The following CHD6 variants were observed in gnomAD, a reference collection of about 807,000 sequenced individuals.
CHD6 encodes the protein ATP-dependent chromatin remodeler CHD6.
CHD6 carries 50 observed loss-of-function variants against 276.9 expected under a neutral mutation model. The ratio of observed to expected loss-of-function variants is 0.18; its 90% CI spans 0.14 to 0.23. The LOEUF (loss-of-function observed/expected upper bound fraction) is 0.23, where lower values mean the gene tolerates loss of function less well. CHD6 is among the 10% of genes least tolerant of loss of function. The probability of loss-of-function intolerance (pLI) is 1.00; values close to 1 mark genes in which losing one functional copy is unlikely to be tolerated. For missense variants in CHD6, 2,564 were observed against 3,365.8 expected (o/e 0.76, Z 5.89); for synonymous variants, 1,173 against 1,229.3 (o/e 0.95, Z 0.96).
chr20:41,411,865 A>C (rs2046849577), intron 36 of CHD6, among the ~76,000 whole-genome samples: 1 of 152,232 alleles, frequency 6.6e-6, no homozygotes, highest in Non-Finnish European at 1.5e-5. Context: ...CTCTACAAAT[A>C]GGAGAAACAA....
In CHD6 at chr20:41,473,245, G is replaced by A; in HGVS notation, c.2664+77C>T. On this transcript the variant is annotated intron_variant, in intron 17 of 36. Transcript: ENST00000373233. The surrounding 1 kb of genome is among the most constrained non-coding windows in gnomAD (Gnocchi z 4.1). ...TAGCATAGAGCATCACGGATGCTCT[G>A]TAGCCAAGCCAGGCCCTATCATGAT... 1 of 1,425,976 alleles carries A rather than the reference G, an allele frequency of 7.0e-7. No individual in the cohort carries two copies. Among genetic ancestry groups the A allele is most frequent in the Non-Finnish European group, 9.7e-7 (1 of 1,032,118 alleles). The allele number at this position is 1,425,976 out of a possible 1,614,324, so 88.3% of individuals were successfully genotyped here.
intron 3 of CHD6, among the ~76,000 whole-genome samples, chr20:41,524,997 G>A (rs1453443851): frequency 6.6e-6 from 1 of 152,070 alleles, no homozygotes; most frequent in Non-Finnish European, 1.5e-5. Flanking sequence ...CTACGGTCTT[G>A]GGGTCTTCAG....
At chr20:41,488,107 A>T (rs541145262) in intron 13 of CHD6, among the ~76,000 whole-genome samples, 1 of 152,306 alleles carries the variant, frequency 6.6e-6, no homozygotes, top group South Asian at 2.1e-4. Flanking sequence ...TAATGTTAAA[A>T]GGGCATCATC....
intron 2 of CHD6, among the ~76,000 whole-genome samples, chr20:41,538,474 T>C (rs1223911499): frequency 1.3e-5 from 2 of 152,226 alleles, no homozygotes; most frequent in Non-Finnish European, 2.9e-5. Context: ...ATTGTATAAT[T>C]CCATTTATAT....
At position 41,490,031 on chromosome 20, in the gene CHD6, G is replaced by T; in HGVS notation, c.1437-10C>A. On this transcript the variant is annotated splice_polypyrimidine_tract_variant and intron_variant, in intron 11 of 36. Transcript: ENST00000373233. Reference sequence around the variant, plus strand: ...CAAAATACAGTTTTTTCTGCAGAGAGTGAGAAATATAGGTAATTCATTATC... The same window carrying T: ...CAAAATACAGTTTTTTCTGCAGAGATTGAGAAATATAGGTAATTCATTATC... 1 of 1,611,536 alleles carries T rather than the reference G, an allele frequency of 6.2e-7. No homozygotes were observed. The highest frequency in any genetic ancestry group is 8.5e-7 in the Non-Finnish European group (1 of 1,177,808).
intron 7 of CHD6, chr20:41,497,745 G>A (rs1448214296): frequency 7.6e-6 from 4 of 528,832 alleles, no homozygotes; most frequent in Admixed American, 6.3e-5. Flanking sequence ...TGAGAACAGA[G>A]GCAGGGCAGC....
chr20:41,610,581 GA>G (rs1209592343), intron 1 of CHD6, among the ~76,000 whole-genome samples: 1 of 152,044 alleles, frequency 6.6e-6, no homozygotes, highest in African/African-American at 2.4e-5. Context: ...CTAACATGGT[GA>G]AACCCCGTCT....
chr20:41,556,781 T>G, intron 1 of CHD6, among the ~76,000 whole-genome samples: 1 of 152,172 alleles, frequency 6.6e-6, no homozygotes, highest in East Asian at 1.9e-4. Context: ...CAATAAGCAT[T>G]TATTGATTTG....
chr20:41,564,642 G>A (rs999710531), intron 1 of CHD6, among the ~76,000 whole-genome samples: 1 of 151,980 alleles, frequency 6.6e-6, no homozygotes, highest in Non-Finnish European at 1.5e-5. Flanking sequence ...ACCAGAAAGC[G>A]GACATTTTTC....
At chr20:41,441,852 T>C (rs540427648) in intron 25 of CHD6, among the ~76,000 whole-genome samples, 4 of 152,296 alleles carry the variant, frequency 2.6e-5, no homozygotes, top group Non-Finnish European at 5.9e-5. Flanking sequence ...GCCTGCCTCT[T>C]TTCACTTTTA....
intron 34 of CHD6, 163 bp from the exon 35 acceptor site, chr20:41,413,678 A>T: frequency 1.9e-6 from 1 of 527,392 alleles, no homozygotes; most frequent in South Asian, 3.2e-5. Context: ...CCACTGACCC[A>T]CGCCCACATA....
intron 5 of CHD6, among the ~76,000 whole-genome samples, chr20:41,503,263 T>C (rs1303032149): frequency 6.6e-6 from 1 of 152,204 alleles, no homozygotes; most frequent in East Asian, 1.9e-4. Flanking sequence ...ATATTGCATA[T>C]TATCTTTATA....
At chr20:41,593,920 C>T (rs1601178448) in intron 1 of CHD6, among the ~76,000 whole-genome samples, 1 of 151,612 alleles carries the variant, frequency 6.6e-6, no homozygotes, top group Non-Finnish European at 1.5e-5. Flanking sequence ...AATTTCTATT[C>T]TTTAAGCTAT....
intron 1 of CHD6, among the ~76,000 whole-genome samples, chr20:41,611,064 C>T (rs185767638): frequency 1.1e-4 from 17 of 152,284 alleles, no homozygotes; most frequent in Admixed American, 5.2e-4. Flanking sequence ...TAAAGCCTTA[C>T]AAGACACATC....
chr20:41,425,982 C>T, intron 28 of CHD6, 111 bp downstream of exon 28: 1 of 841,086 alleles, frequency 1.2e-6, no homozygotes, highest in Admixed American at 1.8e-5. Flanking sequence ...ACTTACTTGG[C>T]TTTTTAAAAG....
intron 22 of CHD6, among the ~76,000 whole-genome samples, 186 bp from the exon 23 acceptor site, chr20:41,451,291 T>C (rs1303858785): frequency 2.0e-5 from 3 of 152,210 alleles, no homozygotes; most frequent in Non-Finnish European, 4.4e-5. Flanking sequence ...TCCTCCTTAG[T>C]AAACAAATAA....
intron 13 of CHD6, among the ~76,000 whole-genome samples, chr20:41,488,079 G>A (rs1220431328): frequency 6.6e-6 from 1 of 152,132 alleles, no homozygotes; most frequent in African/African-American, 2.4e-5. Context: ...CCAGATACTG[G>A]GCACTGTGCC....
At chr20:41,560,330 T>C (rs993454875) in intron 1 of CHD6, among the ~76,000 whole-genome samples, 2 of 152,192 alleles carry the variant, frequency 1.3e-5, no homozygotes, top group African/African-American at 4.8e-5. Context: ...TTCATCCAAC[T>C]ATACTGAACA....
chr20:41,533,625 A>C, intron 2 of CHD6, 55 bp from the exon 3 acceptor site: 1 of 1,461,940 alleles, frequency 6.8e-7, no homozygotes, highest in Non-Finnish European at 9.2e-7. Context: ...CTTCAGACAA[A>C]GAGAGTTACC....
Sources: allele counts gnomAD v4.1 joint callset (sites outside exome capture counted in the v4.1 genomes callset), GRCh38; gene constraint gnomAD v4.1.1; non-coding constraint Gnocchi (gnomAD v3.1); transcripts MANE v1.5; gene names NCBI Gene and HGNC (gene_info 2026-07-23, HGNC 2026-07-21).